Variants in HCN2 observed in about 807,000 individuals in gnomAD.
The protein encoded by HCN2 is potassium/sodium hyperpolarization-activated cyclic nucleotide-gated channel 2.
HCN2 carries 20 observed loss-of-function variants against 52.3 expected under a neutral mutation model. The ratio of observed to expected loss-of-function variants is 0.38; its 90% CI spans 0.27 to 0.56. The LOEUF is 0.56. Among genes scored for constraint, HCN2 ranks in the 20% least tolerant of loss-of-function variants. The probability of loss-of-function intolerance (pLI) is 0.71; values close to 1 mark genes in which losing one functional copy is unlikely to be tolerated. For synonymous variants in HCN2, 694 were observed against 537.0 expected (o/e 1.29, Z -4.04); for missense variants, 981 against 1,207.7 (o/e 0.81, Z 2.78).
chr19:592,891 A>C lies in HCN2; in HGVS notation c.632+2314A>C, dbSNP rs1600514980. 6.6e-6 allele frequency among the ~76,000 whole-genome samples: 1 copy of C among 152,192 alleles called. No individual in the cohort carries two copies. The highest frequency in any genetic ancestry group is 6.5e-5 in the Admixed American group (1 of 15,282). On this transcript the variant is annotated intron_variant, in intron 1 of 7. Transcript: ENST00000251287. The surrounding 1 kb of genome is among the most constrained non-coding windows in gnomAD (Gnocchi z 4.8). ...CTGGCCCCAACTGGCTTCGGGCCCA[A>C]GGCCTCCTGTGCCTGGCTGGGTGTC...
intron 5 of HCN2, among the ~76,000 whole-genome samples, chr19:612,769 G>C (rs559005685): frequency 6.8e-6 from 1 of 146,586 alleles, no homozygotes; most frequent in Non-Finnish European, 1.5e-5. Flanking sequence ...CTTGTTCTGC[G>C]CTCAGGCTGG....
At chr19:608,669 G>A (rs563744948) in intron 4 of HCN2, among the ~76,000 whole-genome samples, 3 of 148,890 alleles carry the variant, frequency 2.0e-5, no homozygotes, top group African/African-American at 4.8e-5. Flanking sequence ...TTTGGACATC[G>A]GGAAGCCCCC....
At chr19:609,127 C>G (rs542626068) in intron 4 of HCN2, among the ~76,000 whole-genome samples, 1 of 152,214 alleles carries the variant, frequency 6.6e-6, no homozygotes, top group Non-Finnish European at 1.5e-5. Context: ...CCCTGCTGTC[C>G]GGAAGCCACG....
chr19:599,262 T>TG (rs758137168), intron 1 of HCN2, among the ~76,000 whole-genome samples: 2 of 152,168 alleles, frequency 1.3e-5, no homozygotes, highest in Admixed American at 6.5e-5. Context: ...CCCGCAGACG[T>TG]GGTGTTAACA....
At position 590,772 on chromosome 19, in the gene HCN2, C is replaced by T. The variant is rs1982846834; in HGVS notation, c.632+195C>T. ...GCGCGAGGCTCCGCCTCTGGGGGGGCTCCCCGGGTGACCGCGGAGCGCCCC... is the reference window on the plus strand; with the variant it reads ...GCGCGAGGCTCCGCCTCTGGGGGGGTTCCCCGGGTGACCGCGGAGCGCCCC... On this transcript the variant is annotated intron_variant, in intron 1 of 7. Coordinates refer to ENST00000251287, the MANE Select transcript of HCN2 (RefSeq NM_001194.4). The surrounding 1 kb of genome is among the most constrained non-coding windows in gnomAD (Gnocchi z 7.2). 9.1e-6 allele frequency: 3 copies of T among 328,218 alleles called. No individual in the cohort carries two copies. Among genetic ancestry groups the T allele is most frequent in the South Asian group, 1.5e-4 (1 of 6,626 alleles). The allele number at this position is 328,218 out of a possible 1,614,324, so 20.3% of individuals were successfully genotyped here. A position where few individuals can be genotyped will look rare whatever the true frequency, so the allele number is the denominator to read the frequency against.
chr19:603,424 G>A (rs1464162609), intron 1 of HCN2, 120 bp from the exon 2 acceptor site: 19 of 735,126 alleles, frequency 2.6e-5, no homozygotes, highest in African/African-American at 2.3e-4. Flanking sequence ...CAGGCTCCTC[G>A]GAGGAGGCAC....
At chr19:594,948 G>A (rs1982979920) in intron 1 of HCN2, among the ~76,000 whole-genome samples, 1 of 152,106 alleles carries the variant, frequency 6.6e-6, no homozygotes, top group Non-Finnish European at 1.5e-5. Flanking sequence ...TGCCTGTAAT[G>A]CCAGTACTTT....
At chr19:605,708 CGCCCCCTTA>C in intron 3 of HCN2, among the ~76,000 whole-genome samples, 1 of 87,474 alleles carries the variant, frequency 1.1e-5, no homozygotes, top group African/African-American at 5.2e-5. Context: ...GGGACCCAGG[CGCCCCCTTA>C]TGGAGGGGAG....
At position 598,888 on chromosome 19, in the gene HCN2, G is replaced by A. The variant is rs113217392; in HGVS notation, c.633-4656G>A. Among the ~76,000 whole-genome samples, 163 of 152,348 alleles carry A rather than the reference G, an allele frequency of 1.1e-3. 1 individual carries two copies. The highest frequency in any genetic ancestry group is 3.1e-3 in the African/African-American group (128 of 41,584). On this transcript the variant is annotated intron_variant, in intron 1 of 7. Coordinates refer to ENST00000251287, the MANE Select transcript of HCN2 (RefSeq NM_001194.4). ...CTCCTTAAGCCCTGGAATTACAGGC[G>A]TGAGCCACCGTGCCCAGCCTGAGTC...
Position 604,964 on chromosome 19 carries a change from GC to G in HCN2, c.1057-95del, listed in dbSNP as rs908358863. 3 of 1,259,258 alleles carry G rather than the reference GC, an allele frequency of 2.4e-6. No individual in the cohort carries two copies. In the African/African-American group the frequency reaches 5.2e-5, roughly 22 times the overall value. 78.0% of individuals were successfully genotyped at this position (1,259,258 alleles called of 1,614,324 possible). A position where few individuals can be genotyped will look rare whatever the true frequency, so the allele number is the denominator to read the frequency against. ...CGGGGCCTTGGATTTGGGGGAGGGG[GC>G]CAGGAGCTCCCGCAGTGGGGGCGCA... is the stretch of plus-strand genomic sequence containing the variant. On this transcript the variant is annotated intron_variant, in intron 2 of 7. Transcript: ENST00000251287.
At chr19:613,613 ATGGGGATGGGGATGGGGATGGGGCCGGGG>A (rs1983750807) in intron 6 of HCN2, 125 bp downstream of exon 6, 3 of 44,428 alleles carry the variant, frequency 6.8e-5, no homozygotes, top group East Asian at 6.5e-4. Flanking sequence ...GGGGCCGGGG[ATGGGGATGGGGATGGGGATGGGGCCGGGG>A]ATGGGGATGG....
intron 7 of HCN2, among the ~76,000 whole-genome samples, chr19:615,045 G>A (rs533166643): frequency 5.3e-5 from 8 of 152,106 alleles, no homozygotes; most frequent in African/African-American, 9.7e-5. Context: ...AGGTGCTTAG[G>A]TTATAACTTC....
At position 590,128 on chromosome 19, in the gene HCN2, G is replaced by T; in HGVS notation, c.183G>T (p.Leu61Phe). ...AGCACCCGCCCCGGGCCGAGGCGTT[G>T]CCCCCGGAGGCGGCGGATGAGGGCG... is the stretch of plus-strand genomic sequence containing the variant. The part of the protein sequence containing the change: ...PPQHPPRAEA[L>F]PPEAADEGGP... The change falls in exon 1 of 8, where the codon TTG (leucine) becomes TTT (phenylalanine). Residue 61 changes from leucine (L) to phenylalanine (F), a missense_variant. Physicochemically the swap from Leu to Phe is conservative, Grantham distance 22. Transcript: ENST00000251287. The surrounding 1 kb of genome is among the most constrained non-coding windows in gnomAD (Gnocchi z 7.2). The T allele has an allele frequency of 3.3e-6, 3 of 917,662 alleles. No individual in the cohort carries two copies. The highest frequency in any genetic ancestry group is 3.9e-6 in the Non-Finnish European group (3 of 772,976). The allele number at this position is 917,662 out of a possible 1,614,324, so 56.8% of individuals were successfully genotyped here.
At chr19:614,108 G>A (rs1271434398) in intron 7 of HCN2, 92 bp downstream of exon 7, 5 of 750,020 alleles carry the variant, frequency 6.7e-6, no homozygotes, top group Non-Finnish European at 9.0e-6. Context: ...CAGTGGCAGG[G>A]GGAAGGGCGT....
At chr19:612,044 C>T (rs143888493) in intron 5 of HCN2, among the ~76,000 whole-genome samples, 2,046 of 152,112 alleles carry the variant, frequency 0.013, 61 homozygotes, top group African/African-American at 0.047. Context: ...ACTCTGGAGG[C>T]TGAGACAGGA....
In HCN2 at chr19:615,892, G is replaced by A; in HGVS notation, c.2088G>A (p.Lys696=). 2.5e-6 allele frequency: 4 copies of A among 1,612,842 alleles called. No homozygotes were observed. Among genetic ancestry groups the A allele is most frequent in the Non-Finnish European group, 3.4e-6 (4 of 1,179,864 alleles). ...QENAIIQEIV[K]YDREMVQQAE... ...ACGCCATCATCCAGGAGATCGTCAA[G>A]TACGACCGCGAGATGGTGCAGCAGG... Residue 696 remains lysine, a synonymous_variant, in exon 8 of 8, where the codon AAG becomes AAA. Transcript: ENST00000251287.
At chr19:597,911 G>A (rs1465330107) in intron 1 of HCN2, among the ~76,000 whole-genome samples, 1 of 152,186 alleles carries the variant, frequency 6.6e-6, no homozygotes. Context: ...GGTCTCTGGA[G>A]CCCCCTGGGA....
intron 7 of HCN2, among the ~76,000 whole-genome samples, chr19:614,348 A>G (rs973023386): frequency 1.3e-5 from 2 of 152,136 alleles, no homozygotes; most frequent in African/African-American, 2.4e-5. Flanking sequence ...ATGCTCGGTG[A>G]GCACCTGCTG....
intron 1 of HCN2, among the ~76,000 whole-genome samples, chr19:594,272 C>T (rs4919814): frequency 0.24 from 35,821 of 151,906 alleles, 5,263 homozygotes; most frequent in East Asian, 0.58. Context: ...TGGGCAGATC[C>T]GGGGTTTGTG....
Sources: allele counts gnomAD v4.1 joint callset (sites outside exome capture counted in the v4.1 genomes callset), GRCh38; gene constraint gnomAD v4.1.1; non-coding constraint Gnocchi (gnomAD v3.1); transcripts MANE v1.5; gene names NCBI Gene and HGNC (gene_info 2026-07-23, HGNC 2026-07-21).